SRFBP1: variants seen among roughly 807,000 people sequenced by gnomAD.
The protein encoded by SRFBP1 is serum response factor binding protein 1.
A neutral mutation model predicts 45.5 loss-of-function variants in SRFBP1; 47 were observed. The observed-to-expected ratio is 1.03, with a 90% CI of 0.82 to 1.32. The LOEUF is 1.32. Ranked by LOEUF, SRFBP1 falls within the 40% of genes most tolerant of loss-of-function variation. The pLI, the probability that SRFBP1 is intolerant of heterozygous loss-of-function variation, is 0.00. For missense variants in SRFBP1, 621 were observed against 484.6 expected, an observed-to-expected ratio of 1.28 and a Z score of -2.64; for synonymous variants, 203 against 166.3, an observed-to-expected ratio of 1.22 and a Z score of -1.70.
intron 7 of SRFBP1, among the ~76,000 whole-genome samples, chr5:122,024,780 A>G (rs549865200): frequency 1.3e-5 from 2 of 152,354 alleles, no homozygotes; most frequent in African/African-American, 4.8e-5. Flanking sequence ...CATTTTCACA[A>G]TGAGACTATC....
At chr5:121,968,460 T>TG (rs903343125) in intron 1 of SRFBP1, among the ~76,000 whole-genome samples, 9 of 152,132 alleles carry the variant, frequency 5.9e-5, no homozygotes, top group East Asian at 3.9e-4. Context: ...AAATTGTTGG[T>TG]GGGGGGGACT....
In SRFBP1 at chr5:121,970,113, A is replaced by G. The variant is rs557933776; in HGVS notation, c.37-4083A>G. Among the ~76,000 whole-genome samples, 8 of 152,234 alleles carry G rather than the reference A, an allele frequency of 5.3e-5. 1 individual carries two copies. The highest frequency in any genetic ancestry group is 1.3e-4 in the Admixed American group (2 of 15,276). On this transcript the variant is annotated intron_variant, in intron 1 of 7. Coordinates refer to ENST00000339397, the MANE Select transcript of SRFBP1 (RefSeq NM_152546.3). ...TTTACAATTCCTGGGTGACAAATAA[A>G]TTGGCAGCCTTTTAAATCCTAACTT...
chr5:122,025,919 G>A (rs114823464), intron 7 of SRFBP1, among the ~76,000 whole-genome samples: 3,554 of 152,168 alleles, frequency 0.023, 142 homozygotes, highest in African/African-American at 0.081. Flanking sequence ...TGACCAATAT[G>A]TCTCTACTAA....
intron 2 of SRFBP1, among the ~76,000 whole-genome samples, chr5:122,060,925 G>A (rs1354029433): frequency 6.6e-6 from 1 of 152,082 alleles, no homozygotes; most frequent in Admixed American, 6.6e-5. Flanking sequence ...TAAAACAAAC[G>A]TGAAGTGATC....
intron 1 of SRFBP1, among the ~76,000 whole-genome samples, chr5:121,972,475 C>A (rs899793159): frequency 6.6e-6 from 1 of 151,726 alleles, no homozygotes; most frequent in South Asian, 2.1e-4. Context: ...GAATGGGGGT[C>A]CACTTGAGGT....
At chr5:122,059,960 G>A (rs993530382) in intron 2 of SRFBP1, among the ~76,000 whole-genome samples, 1 of 152,050 alleles carries the variant, frequency 6.6e-6, no homozygotes, top group African/African-American at 2.4e-5. Flanking sequence ...TTCTTTTTCT[G>A]TTTGCCTTGA....
chr5:122,007,277 C>T (rs943773534), intron 4 of SRFBP1, among the ~76,000 whole-genome samples: 3 of 152,034 alleles, frequency 2.0e-5, no homozygotes, highest in Non-Finnish European at 4.4e-5. Context: ...GGCCTCAGTC[C>T]ATGGCATTCA....
At chr5:122,036,098 G>A (rs1753689274) in intron 2 of SRFBP1, among the ~76,000 whole-genome samples, 1 of 152,222 alleles carries the variant, frequency 6.6e-6, no homozygotes, top group African/African-American at 2.4e-5. Context: ...ACGTTCCCAA[G>A]ATATGCTTGT....
chr5:121,962,886 C>T (rs1231028923), intron 1 of SRFBP1, among the ~76,000 whole-genome samples: 1 of 152,194 alleles, frequency 6.6e-6, no homozygotes. Flanking sequence ...TTAGATTACA[C>T]ACAGTAGTGT....
intron 1 of SRFBP1, among the ~76,000 whole-genome samples, chr5:121,964,110 A>G (rs554429396): frequency 3.9e-5 from 6 of 152,310 alleles, no homozygotes; most frequent in Admixed American, 2.0e-4. Context: ...AATCTTTTCA[A>G]TTCTTTTCCA....
At chr5:121,998,632 A>G (rs1465845100) in intron 4 of SRFBP1, among the ~76,000 whole-genome samples, 4 of 147,252 alleles carry the variant, frequency 2.7e-5, no homozygotes, top group African/African-American at 1.0e-4. Flanking sequence ...AACCTGCACA[A>G]TGTGCACATG....
In SRFBP1 at chr5:122,070,078, A is replaced by G. The variant is rs765126342; in HGVS notation, n.312-5237A>G. On this transcript the variant is annotated intron_variant and non_coding_transcript_variant, in intron 2 of 2. Transcript: ENST00000504881. ...GGTGAAATTGTGCAGCCTGAGGCAT[A>G]CGCATGATGTCCTGTGTAGCGAATG... 75 of 1,612,400 alleles carry G rather than the reference A, an allele frequency of 4.7e-5. No homozygotes were observed. The highest frequency in any genetic ancestry group is 3.8e-5 in the Non-Finnish European group (45 of 1,178,724).
chr5:122,033,818 AG>A (rs1753630708), intron 2 of SRFBP1, among the ~76,000 whole-genome samples: 1 of 121,796 alleles, frequency 8.2e-6, no homozygotes, highest in Admixed American at 8.1e-5. Context: ...TTTTATTTTC[AG>A]TTTTTTTTTT....
rs373348118 is a variant in SRFBP1, at chr5:122,047,810, G to T, written n.311+25403G>T. On this transcript the variant is annotated intron_variant and non_coding_transcript_variant, in intron 2 of 2. Coordinates refer to the SRFBP1 transcript ENST00000504881. ...AGGTATTTTATTCTCTTTGAAGCAAGTGTGAATGGGAGTTCACTCATGATT... is the reference window on the plus strand; with the variant it reads ...AGGTATTTTATTCTCTTTGAAGCAATTGTGAATGGGAGTTCACTCATGATT... Among the ~76,000 whole-genome samples, 17 of 152,226 alleles carry T rather than the reference G, an allele frequency of 1.1e-4. No homozygotes were observed. The East Asian group carries it at 2.1e-3, about 19-fold the overall frequency.
rs1253231979 is a variant in SRFBP1 at position 122,027,466 on chromosome 5, A to G, written c.*340A>G. 3 of 158,262 alleles carry G rather than the reference A, an allele frequency of 1.9e-5. No individual in the cohort carries two copies. Among genetic ancestry groups the G allele is most frequent in the Non-Finnish European group, 2.8e-5 (2 of 72,194 alleles). The allele number at this position is 158,262 out of a possible 1,614,324, so 9.8% of individuals were successfully genotyped here. On this transcript the variant is annotated 3_prime_UTR_variant, in exon 8 of 8. Coordinates refer to ENST00000339397, the MANE Select transcript of SRFBP1 (RefSeq NM_152546.3). ...CTTATATAAGCCTTTCACAAATCCA[A>G]TATGTACTTAAATTGATTTTTAATA...
chr5:122,014,180 C>T (rs887793632), intron 4 of SRFBP1, among the ~76,000 whole-genome samples: 3 of 151,882 alleles, frequency 2.0e-5, no homozygotes, highest in African/African-American at 7.3e-5. Context: ...AAACAGAAAA[C>T]ACATCTTAGA....
At chr5:122,016,835 C>A (rs1424914772) in intron 4 of SRFBP1, among the ~76,000 whole-genome samples, 1 of 152,134 alleles carries the variant, frequency 6.6e-6, no homozygotes, top group African/African-American at 2.4e-5. Context: ...GACGACATTT[C>A]TTGGAAAAGG....
intron 2 of SRFBP1, among the ~76,000 whole-genome samples, chr5:122,055,369 G>A (rs1358386619): frequency 6.6e-6 from 1 of 152,136 alleles, no homozygotes; most frequent in Middle Eastern, 3.2e-3. Flanking sequence ...CTTGAGGAGA[G>A]AAACACATTC....
chr5:122,015,351 T>C (rs1580527118), intron 4 of SRFBP1, among the ~76,000 whole-genome samples: 1 of 152,340 alleles, frequency 6.6e-6, no homozygotes, highest in East Asian at 1.9e-4. Context: ...CAGAAGTCTG[T>C]CATGGTAGTA....
Sources: allele counts gnomAD v4.1 joint callset (sites outside exome capture counted in the v4.1 genomes callset), GRCh38; gene constraint gnomAD v4.1.1; transcripts MANE v1.5; gene names NCBI Gene and HGNC (gene_info 2026-07-23, HGNC 2026-07-21).